MICU2: variants seen among roughly 807,000 people sequenced by gnomAD.
MICU2 encodes the protein calcium uptake protein 2, mitochondrial.
MICU2 carries 64 observed loss-of-function variants against 60.4 expected under a neutral mutation model. The ratio of observed to expected loss-of-function variants is 1.06; its 90% CI spans 0.87 to 1.31. The LOEUF is 1.31. MICU2 is among the 50% of genes most tolerant of loss of function. The pLI, the probability that MICU2 is intolerant of heterozygous loss-of-function variation, is 0.00. For synonymous variants in MICU2, 201 were observed against 175.0 expected (o/e 1.15, Z -1.17); for missense variants, 569 against 531.0 (o/e 1.07, Z -0.70).
intron 8 of MICU2, among the ~76,000 whole-genome samples, chr13:21,505,024 T>C (rs1032522080): frequency 2.0e-5 from 3 of 152,144 alleles, no homozygotes. Context: ...AACTCAGCCC[T>C]AAAAAGTACA....
intron 1 of MICU2, among the ~76,000 whole-genome samples, chr13:21,593,501 TAA>T (rs71093337): frequency 1.6e-5 from 2 of 127,974 alleles, no homozygotes; most frequent in African/African-American, 6.5e-5. Context: ...TTCCCAGAAT[TAA>T]AAAAAAAACA....
At position 21,510,028 on chromosome 13, in the gene MICU2, T is replaced by C; in HGVS notation, c.737A>G (p.Lys246Arg). Residue 246 changes from lysine (K) to arginine (R), a missense_variant, in exon 8 of 12, where the codon AAA (lysine) becomes AGA (arginine). Transcript: ENST00000382374. ...MRFFGKRGQR[K>R]LHYKEFRRFM... ...CCTTCGAAATTCTTTATAATGAAGT[T>C]TTCTTTGTCCTCTTTTTCCAAAGAA... The C allele has an allele frequency of 1.3e-6, 2 of 1,543,904 alleles. No individual in the cohort carries two copies. The highest frequency in any genetic ancestry group is 1.7e-6 in the Non-Finnish European group (2 of 1,151,742).
At chr13:21,528,989 CTG>C (rs1227507498) in intron 4 of MICU2, among the ~76,000 whole-genome samples, 1 of 152,154 alleles carries the variant, frequency 6.6e-6, no homozygotes, top group African/African-American at 2.4e-5. Context: ...ACGTGGCACA[CTG>C]TGCAGAATGG....
At chr13:21,499,386 G>A (rs375737512) in intron 9 of MICU2, among the ~76,000 whole-genome samples, 14 of 151,940 alleles carry the variant, frequency 9.2e-5, no homozygotes, top group African/African-American at 3.1e-4. Context: ...AACTTACTGT[G>A]CGAGACCGTT....
intron 1 of MICU2, among the ~76,000 whole-genome samples, chr13:21,587,337 T>G (rs544417677): frequency 1.3e-5 from 2 of 152,226 alleles, no homozygotes; most frequent in Non-Finnish European, 2.9e-5. Context: ...TATAAAGTAC[T>G]TATTAAATTT....
At chr13:21,597,355 C>T (rs955196555) in intron 1 of MICU2, among the ~76,000 whole-genome samples, 3 of 152,108 alleles carry the variant, frequency 2.0e-5, no homozygotes, top group African/African-American at 7.2e-5. Context: ...GTCTCTATGG[C>T]TCTAAGTGTG....
chr13:21,544,533 A>AAACC (rs1887365398), intron 2 of MICU2, among the ~76,000 whole-genome samples: 1 of 67,628 alleles, frequency 1.5e-5, no homozygotes, highest in Non-Finnish European at 4.0e-5. Flanking sequence ...AAAAAAAAAA[A>AAACC]ACTCAATACC....
intron 2 of MICU2, among the ~76,000 whole-genome samples, chr13:21,558,759 G>C (rs1466650001): frequency 3.3e-5 from 5 of 152,120 alleles, no homozygotes; most frequent in Admixed American, 3.3e-4. Flanking sequence ...AGAGCAATCA[G>C]GGTCCCAGTA....
chr13:21,503,876 C>G (rs987039478), intron 8 of MICU2, among the ~76,000 whole-genome samples: 1 of 152,070 alleles, frequency 6.6e-6, no homozygotes, highest in African/African-American at 2.4e-5. Flanking sequence ...GTGAAAAGAT[C>G]GGTACTATCT....
At chr13:21,563,846 G>A (rs1210748623) in intron 2 of MICU2, among the ~76,000 whole-genome samples, 1 of 144,700 alleles carries the variant, frequency 6.9e-6, no homozygotes, top group Non-Finnish European at 1.5e-5. Context: ...GTCTTACTCT[G>A]TCACCTAGTC....
intron 1 of MICU2, among the ~76,000 whole-genome samples, chr13:21,577,802 C>A (rs889713111): frequency 6.2e-5 from 6 of 96,836 alleles, no homozygotes; most frequent in South Asian, 3.4e-4. Context: ...GAGACTCGGT[C>A]TCAAAAAAAA....
chr13:21,515,879 AT>A (rs1409300548), intron 6 of MICU2, among the ~76,000 whole-genome samples: 1 of 152,056 alleles, frequency 6.6e-6, no homozygotes, highest in Non-Finnish European at 1.5e-5. Context: ...TTTACCTTTT[AT>A]TTTTAAAGTT....
At chr13:21,571,666 C>G (rs1358036617) in intron 1 of MICU2, among the ~76,000 whole-genome samples, 1 of 152,238 alleles carries the variant, frequency 6.6e-6, no homozygotes, top group Non-Finnish European at 1.5e-5. Flanking sequence ...CCACTGCACT[C>G]CGGCTTGGGC....
At chr13:21,542,501 T>G (rs1418013138) in intron 2 of MICU2, among the ~76,000 whole-genome samples, 1 of 152,180 alleles carries the variant, frequency 6.6e-6, no homozygotes, top group African/African-American at 2.4e-5. Flanking sequence ...AATAAAAAAT[T>G]CAGTCTCATT....
intron 2 of MICU2, among the ~76,000 whole-genome samples, chr13:21,556,960 T>C (rs541278318): frequency 9.2e-5 from 14 of 152,226 alleles, no homozygotes; most frequent in East Asian, 3.9e-4. Context: ...TCTCCCAAAG[T>C]TGACAGCAGG....
intron 1 of MICU2, among the ~76,000 whole-genome samples, chr13:21,574,831 C>T (rs199518710): frequency 2.0e-5 from 3 of 152,172 alleles, no homozygotes; most frequent in Non-Finnish European, 4.4e-5. Flanking sequence ...CTTAAAGAAA[C>T]CTTTACAATC....
At chr13:21,548,053 T>C (rs1029121006) in intron 2 of MICU2, among the ~76,000 whole-genome samples, 10 of 152,126 alleles carry the variant, frequency 6.6e-5, no homozygotes, top group African/African-American at 1.9e-4. Flanking sequence ...AGTGAAAAAA[T>C]AGACAAATGT....
chr13:21,497,404 G>GT (rs1486119293), intron 9 of MICU2, among the ~76,000 whole-genome samples: 2 of 151,770 alleles, frequency 1.3e-5, no homozygotes, highest in Non-Finnish European at 2.9e-5. Flanking sequence ...AGAAAACTCA[G>GT]TTTTTTCCAT....
chr13:21,570,269 T>C (rs1018824307), intron 1 of MICU2, among the ~76,000 whole-genome samples: 4 of 152,136 alleles, frequency 2.6e-5, no homozygotes, highest in Admixed American at 2.0e-4. Flanking sequence ...CAACATAGTT[T>C]TTTTAGGTCA....
Sources: allele counts gnomAD v4.1 joint callset (sites outside exome capture counted in the v4.1 genomes callset), GRCh38; gene constraint gnomAD v4.1.1; transcripts MANE v1.5; gene names NCBI Gene and HGNC (gene_info 2026-07-23, HGNC 2026-07-21).